ADAMTS17: variants seen among roughly 807,000 people sequenced by gnomAD.
The protein encoded by ADAMTS17 is A disintegrin and metalloproteinase with thrombospondin motifs 17.
In ADAMTS17, 113 loss-of-function variants were observed where a neutral mutation model predicts 141.5. That is an observed-to-expected ratio of 0.80 (90% confidence interval 0.69 to 0.93). The LOEUF (loss-of-function observed/expected upper bound fraction) is 0.93. Ranked by LOEUF, ADAMTS17 falls within the 40% of genes least tolerant of loss-of-function variation. ADAMTS17 has a pLI of 0.00. For missense variants in ADAMTS17, 1,659 were observed against 1,517.9 expected, an observed-to-expected ratio of 1.09 and a Z score of -1.54; for synonymous variants, 768 against 630.6, an observed-to-expected ratio of 1.22 and a Z score of -3.27.
chr15:100,326,105 G>A (rs2045892879), intron 3 of ADAMTS17, among the ~76,000 whole-genome samples: 1 of 152,158 alleles, frequency 6.6e-6, no homozygotes. Flanking sequence ...TACAGCAAAG[G>A]GAACAGAATT....
intron 4 of ADAMTS17, among the ~76,000 whole-genome samples, chr15:100,277,195 C>G (rs563496431): frequency 6.6e-6 from 1 of 152,220 alleles, no homozygotes; most frequent in Admixed American, 6.5e-5. Context: ...CATCTCAATC[C>G]AAACTTCACG....
At chr15:100,310,999 G>A (rs1317739488) in intron 3 of ADAMTS17, among the ~76,000 whole-genome samples, 2 of 152,236 alleles carry the variant, frequency 1.3e-5, no homozygotes, top group Non-Finnish European at 2.9e-5. Context: ...AGCTGTCCCG[G>A]TGAGACTTTC....
At chr15:100,181,961 C>T (rs1032205569) in intron 8 of ADAMTS17, among the ~76,000 whole-genome samples, 1 of 152,188 alleles carries the variant, frequency 6.6e-6, no homozygotes. Flanking sequence ...CACTTTAGCC[C>T]ACGAAGGCGA....
At chr15:99,988,216 G>A (rs1179050402) in intron 20 of ADAMTS17, among the ~76,000 whole-genome samples, 1 of 152,082 alleles carries the variant, frequency 6.6e-6, no homozygotes, top group Non-Finnish European at 1.5e-5. Flanking sequence ...GGGGCCTGGT[G>A]GGAGGTGTCT....
intron 15 of ADAMTS17, among the ~76,000 whole-genome samples, chr15:100,069,647 T>G (rs2033824436): frequency 6.6e-6 from 1 of 152,042 alleles, no homozygotes; most frequent in Admixed American, 6.6e-5. Flanking sequence ...CAAACTAAGC[T>G]TCATAAGTGA....
At chr15:100,023,075 G>T (rs1038570676) in intron 18 of ADAMTS17, among the ~76,000 whole-genome samples, 2 of 152,210 alleles carry the variant, frequency 1.3e-5, no homozygotes, top group African/African-American at 4.8e-5. Flanking sequence ...AGGCACACAG[G>T]AGACTGGCTG....
chr15:100,294,848 C>T (rs1332133293), intron 3 of ADAMTS17, among the ~76,000 whole-genome samples: 1 of 152,148 alleles, frequency 6.6e-6, no homozygotes, highest in East Asian at 1.9e-4. Context: ...AACCGTGAAA[C>T]GTTAGCGACA....
intron 7 of ADAMTS17, among the ~76,000 whole-genome samples, chr15:100,234,695 G>C (rs1286236551): frequency 6.6e-6 from 1 of 152,206 alleles, no homozygotes; most frequent in Non-Finnish European, 1.5e-5. Flanking sequence ...CTGTGGCAGA[G>C]GAAACGCTGC....
intron 1 of ADAMTS17, 136 bp downstream of exon 1, chr15:100,341,685 C>A (rs1333467288): frequency 4.3e-6 from 5 of 1,159,662 alleles, no homozygotes; most frequent in Non-Finnish European, 5.7e-6. Context: ...GTACTCCGGC[C>A]GCGGCCCGCG....
At chr15:100,139,113 T>A (rs1420257234) in intron 10 of ADAMTS17, among the ~76,000 whole-genome samples, 1 of 151,936 alleles carries the variant, frequency 6.6e-6, no homozygotes, top group Non-Finnish European at 1.5e-5. Flanking sequence ...ACGAAAAATA[T>A]AAGGGTTGGC....
intron 3 of ADAMTS17, among the ~76,000 whole-genome samples, chr15:100,282,468 C>T (rs1596443622): frequency 6.6e-6 from 1 of 152,182 alleles, no homozygotes; most frequent in Non-Finnish European, 1.5e-5. Context: ...TACATACCTA[C>T]GATGACGTGT....
intron 15 of ADAMTS17, among the ~76,000 whole-genome samples, chr15:100,071,246 A>G (rs61134661): frequency 0.043 from 6,505 of 150,200 alleles, 785 homozygotes; most frequent in African/African-American, 0.15. Context: ...TGAGGCAATA[A>G]TTAATAGCTT....
At chr15:100,081,363 C>T (rs1420171012) in intron 15 of ADAMTS17, among the ~76,000 whole-genome samples, 1 of 152,150 alleles carries the variant, frequency 6.6e-6, no homozygotes, top group African/African-American at 2.4e-5. Context: ...TATATATATG[C>T]ACACATACAT....
chr15:100,202,630 T>G (rs2041378806), intron 7 of ADAMTS17, among the ~76,000 whole-genome samples: 1 of 152,174 alleles, frequency 6.6e-6, no homozygotes, highest in Non-Finnish European at 1.5e-5. Context: ...AGCCCACCAC[T>G]ATTCCATGTT....
At chr15:100,172,561 C>T (rs538741022) in intron 8 of ADAMTS17, among the ~76,000 whole-genome samples, 93 of 152,316 alleles carry the variant, frequency 6.1e-4, no homozygotes, top group Admixed American at 4.2e-3. Flanking sequence ...TCATCCCAGT[C>T]ACCTGCTCTG....
chr15:100,045,415 T>C (rs2031608060), intron 18 of ADAMTS17, among the ~76,000 whole-genome samples: 1 of 152,162 alleles, frequency 6.6e-6, no homozygotes, highest in African/African-American at 2.4e-5. Context: ...TTTAGAAGAA[T>C]ATTGAATTTT....
At position 99,972,329 on chromosome 15, in the gene ADAMTS17, C is replaced by CA. The variant is rs2060228538; in HGVS notation, c.*2072_*2073insT. On this transcript the variant is annotated 3_prime_UTR_variant, in exon 22 of 22. Coordinates refer to ENST00000268070, the MANE Select transcript of ADAMTS17 (RefSeq NM_139057.4). ...ACTTTAGGGGAACTAATGGGGGTAT[C>CA]TGACAATAACCCAATCAATCCTTTT... 6.6e-6 allele frequency: 1 copy of CA among 152,188 alleles called. No individual in the cohort carries two copies. Among genetic ancestry groups the CA allele is most frequent in the Non-Finnish European group, 1.5e-5 (1 of 68,046 alleles). 9.4% of individuals were successfully genotyped at this position (152,188 alleles called of 1,614,324 possible).
Position 99,997,361 on chromosome 15 carries a change from C to T in ADAMTS17, c.2796+24G>A. On this transcript the variant is annotated intron_variant, in intron 19 of 21. Coordinates refer to ENST00000268070, the MANE Select transcript of ADAMTS17 (RefSeq NM_139057.4). This position sits in a 1 kb window ranked among gnomAD's most constrained non-coding sequence, Gnocchi z 4.7. ...GTGTTGGAGTCCCTGTGGCTGAGTC[C>T]TGGTGGCAAGCCCAGGCACCCACCT... is the stretch of plus-strand genomic sequence containing the variant. 3 of 1,613,468 alleles carry T rather than the reference C, an allele frequency of 1.9e-6. No homozygotes were observed. Among genetic ancestry groups the T allele is most frequent in the Non-Finnish European group, 2.5e-6 (3 of 1,179,954 alleles).
rs7170240 is a variant in ADAMTS17, at chr15:99,991,971, A to G, written c.2949+1077T>C. On this transcript the variant is annotated intron_variant, in intron 20 of 21. Coordinates refer to ENST00000268070, the MANE Select transcript of ADAMTS17 (RefSeq NM_139057.4). ...CTTACTCATAAGTGGGAGGTGAGCAATGAGAACATATGGACACAGGGAGGG... is the reference window on the plus strand; with the variant it reads ...CTTACTCATAAGTGGGAGGTGAGCAGTGAGAACATATGGACACAGGGAGGG... Among the ~76,000 whole-genome samples, 547 of 152,198 alleles carry G rather than the reference A, an allele frequency of 3.6e-3. 2 individuals are homozygous for G. Among genetic ancestry groups the G allele is most frequent in the African/African-American group, 0.012 (505 of 41,530 alleles).
Sources: gnomAD v4.1 joint callset for allele counts (sites outside exome capture counted in the v4.1 genomes callset) on GRCh38, gnomAD v4.1.1 for gene constraint, Gnocchi (gnomAD v3.1) non-coding constraint, MANE v1.5 for transcripts, NCBI Gene and HGNC (gene_info 2026-07-23, HGNC 2026-07-21) for gene names.